Variants in MAPKBP1 observed in about 807,000 individuals in gnomAD.
MAPKBP1 encodes mitogen-activated protein kinase-binding protein 1.
MAPKBP1 carries 71 observed loss-of-function variants against 170.5 expected under a neutral mutation model. The observed-to-expected ratio is 0.42, with a 90% CI of 0.34 to 0.51. The LOEUF (loss-of-function observed/expected upper bound fraction) is 0.51, where lower values mean the gene tolerates loss of function less well. Among genes scored for constraint, MAPKBP1 ranks in the 20% least tolerant of loss-of-function variants. The pLI is 0.06. For synonymous variants in MAPKBP1, 719 were observed against 757.9 expected (o/e 0.95, Z 0.84); for missense variants, 1,598 against 1,933.0 (o/e 0.83, Z 3.25).
At chr15:41,824,658 C>T (rs1268307484) in intron 30 of MAPKBP1, 89 bp downstream of exon 30, 17 of 1,267,416 alleles carry the variant, frequency 1.3e-5, no homozygotes, top group East Asian at 2.6e-5. Context: ...GTATGCTAAG[C>T]CTCTTGTGCT....
Position 41,822,453 on chromosome 15 carries a change from G to T in MAPKBP1, c.3229+31G>T, listed in dbSNP as rs372085821. The T allele has an allele frequency of 3.7e-5, 60 of 1,609,146 alleles. No individual in the cohort carries two copies. In the African/African-American group the frequency reaches 6.3e-4, roughly 17 times the overall value. ...GTCAGAGGGCCAGCATTTAGTGCCTGCAATTTGCCCTTCTCCCCTCCTTGC... is the reference window on the plus strand; with the variant it reads ...GTCAGAGGGCCAGCATTTAGTGCCTTCAATTTGCCCTTCTCCCCTCCTTGC... On this transcript the variant is annotated intron_variant, in intron 26 of 30. Coordinates refer to ENST00000457542, the MANE Select transcript of MAPKBP1 (RefSeq NM_014994.3).
At chr15:41,810,225 C>T (rs983184269) in intron 3 of MAPKBP1, among the ~76,000 whole-genome samples, 3 of 152,216 alleles carry the variant, frequency 2.0e-5, no homozygotes, top group Non-Finnish European at 2.9e-5. Context: ...TTCCCTCCTA[C>T]ACCCCTTCCT....
At position 41,805,404 on chromosome 15, in the gene MAPKBP1, AGCCCCTGT is replaced by A. The variant is rs535520878; in HGVS notation, c.207-5458_207-5451del. ...GTTGATGGGCCTTCAAGCCCAGCAC[AGCCCCTGT>A]GCCCCTGTGCCCCTGTGCCCAGTCC... On this transcript the variant is annotated intron_variant, in intron 3 of 30. Coordinates refer to ENST00000457542, the MANE Select transcript of MAPKBP1 (RefSeq NM_014994.3). Among the ~76,000 whole-genome samples, 93 of 152,322 alleles carry A rather than the reference AGCCCCTGT, an allele frequency of 6.1e-4. No homozygotes were observed. The South Asian group carries it at 0.015, about 24-fold the overall frequency.
At position 41,774,567 on chromosome 15, in the gene MAPKBP1, C is replaced by T. The variant is rs1042991511; in HGVS notation, c.-153C>T. On this transcript the variant is annotated 5_prime_UTR_variant, in exon 1 of 31. Transcript: ENST00000457542. The stretch of plus-strand genomic sequence containing the variant: ...GGAGCTGAAATTGCCGAACGCGATG[C>T]CCGAGGGCGCTGTGAGCGGGGTGGC... 2 of 398,582 alleles carry T rather than the reference C, an allele frequency of 5.0e-6. No individual in the cohort carries two copies. The highest frequency in any genetic ancestry group is 2.1e-5 in the African/African-American group (1 of 48,644). The allele number at this position is 398,582 out of a possible 1,614,324, so 24.7% of individuals were successfully genotyped here.
chr15:41,795,961 T>A (rs2064481441), intron 2 of MAPKBP1, among the ~76,000 whole-genome samples: 1 of 152,136 alleles, frequency 6.6e-6, no homozygotes, highest in Admixed American at 6.6e-5. Flanking sequence ...GAGAAAAGAC[T>A]ATAGGGGGTA....
At chr15:41,822,526 A>C (rs1450230527) in intron 26 of MAPKBP1, 67 bp from the exon 27 acceptor site, 4 of 1,607,032 alleles carry the variant, frequency 2.5e-6, no homozygotes, top group African/African-American at 2.7e-5. Flanking sequence ...TGGGGGTCTC[A>C]AGGAGGCAAA....
At chr15:41,814,914 A>C (rs988157751) in intron 10 of MAPKBP1, among the ~76,000 whole-genome samples, 175 bp downstream of exon 10, 1 of 152,178 alleles carries the variant, frequency 6.6e-6, no homozygotes, top group Admixed American at 6.5e-5. Context: ...AGGCTTCCCC[A>C]GTGTGCCCCA....
intron 2 of MAPKBP1, among the ~76,000 whole-genome samples, chr15:41,794,699 A>T (rs916903378): frequency 2.6e-5 from 4 of 152,214 alleles, no homozygotes; most frequent in African/African-American, 9.7e-5. Context: ...TCAAGTGCCC[A>T]TTGTATGCCA....
At chr15:41,814,178 G>A (rs1431372899) in intron 9 of MAPKBP1, among the ~76,000 whole-genome samples, 2 of 152,226 alleles carry the variant, frequency 1.3e-5, no homozygotes, top group African/African-American at 2.4e-5. Flanking sequence ...TCAAGAAGCC[G>A]CCAGCAGTCA....
rs760216160 is a variant in MAPKBP1 at position 41,820,884 on chromosome 15, C to A, written c.2534C>A (p.Pro845His). The A allele has an allele frequency of 2.5e-6, 4 of 1,614,004 alleles. No individual in the cohort carries two copies. The highest frequency in any genetic ancestry group is 3.4e-6 in the Non-Finnish European group (4 of 1,180,004). ...LDPAPAANPG[P>H]RRRGRWVQPG... ...CCAGCTCCTGCAGCCAACCCAGGACCCAGAAGAAGAGGGCGCTGGGTTCAG... is the reference window on the plus strand; with the variant it reads ...CCAGCTCCTGCAGCCAACCCAGGACACAGAAGAAGAGGGCGCTGGGTTCAG... Residue 845 changes from proline (P) to histidine (H), a missense_variant, in exon 23 of 31, where the codon CCC (proline) becomes CAC (histidine). By Grantham distance (77) the Pro-to-His change is moderately conservative. Coordinates refer to ENST00000457542, the MANE Select transcript of MAPKBP1 (RefSeq NM_014994.3).
intron 3 of MAPKBP1, among the ~76,000 whole-genome samples, chr15:41,805,030 C>G (rs999325372): frequency 6.6e-6 from 1 of 152,202 alleles, no homozygotes; most frequent in Non-Finnish European, 1.5e-5. Flanking sequence ...GCTCTTGTTC[C>G]TCCTGTGCCT....
At chr15:41,777,353 A>G (rs901975908) in intron 2 of MAPKBP1, among the ~76,000 whole-genome samples, 1 of 151,906 alleles carries the variant, frequency 6.6e-6, no homozygotes, top group Admixed American at 6.6e-5. Context: ...AAAAAAAAAA[A>G]AAAGGAAAGG....
At chr15:41,824,185 C>T (rs1267079212) in intron 29 of MAPKBP1, 124 bp downstream of exon 29, 1 of 1,345,458 alleles carries the variant, frequency 7.4e-7, no homozygotes, top group Non-Finnish European at 1.0e-6. Flanking sequence ...CCTGTCTGCT[C>T]CTGTCGCAGG....
At chr15:41,793,998 G>A (rs2064440593) in intron 2 of MAPKBP1, among the ~76,000 whole-genome samples, 1 of 152,212 alleles carries the variant, frequency 6.6e-6, no homozygotes, top group African/African-American at 2.4e-5. Flanking sequence ...GGGAGGCCAA[G>A]GTGGGTGGAT....
chr15:41,786,937 C>T (rs978616318), intron 2 of MAPKBP1, among the ~76,000 whole-genome samples: 46 of 150,970 alleles, frequency 3.0e-4, no homozygotes, highest in African/African-American at 1.0e-3. Context: ...CTTGCTCTGT[C>T]GCCCAGGCTG....
chr15:41,815,871 G>A, intron 12 of MAPKBP1, 72 bp downstream of exon 12: 1 of 1,493,068 alleles, frequency 6.7e-7, no homozygotes, highest in Non-Finnish European at 9.1e-7. Flanking sequence ...ACTTTAGGGA[G>A]GGTTTGGCTC....
chr15:41,813,044 A>T lies in MAPKBP1; in HGVS notation c.762A>T (p.Ser254=), dbSNP rs756172885. The part of the protein sequence containing the change: ...KADSTFCITS[S]GLLCEFSDRR... The stretch of plus-strand genomic sequence containing the variant: ...ACAGTACCTTCTGCATCACGTCCTC[A>T]GGGCTGCTGTGCGAGTTCAGTGATC... Residue 254 remains serine, a synonymous_variant, in exon 8 of 31, where the codon TCA becomes TCT. Coordinates refer to ENST00000457542, the MANE Select transcript of MAPKBP1 (RefSeq NM_014994.3). The T allele has an allele frequency of 1.2e-6, 2 of 1,613,572 alleles. No homozygotes were observed. Among genetic ancestry groups the T allele is most frequent in the South Asian group, 1.1e-5 (1 of 91,026 alleles).
chr15:41,777,256 G>A (rs953615228), intron 2 of MAPKBP1, among the ~76,000 whole-genome samples: 6 of 151,518 alleles, frequency 4.0e-5, no homozygotes, highest in African/African-American at 1.2e-4. Flanking sequence ...CAGGAGACTC[G>A]CCTGAACCCG....
Position 41,826,528 on chromosome 15 carries a change from C to G in MAPKBP1, c.*1092C>G, listed in dbSNP as rs1292841877. Reference sequence around the variant, plus strand: ...ACCCTGGCTTATGTGGAACACCTATCAGGGAGCAGAAAAGGGGTGCAGTAC... The same window carrying G: ...ACCCTGGCTTATGTGGAACACCTATGAGGGAGCAGAAAAGGGGTGCAGTAC... On this transcript the variant is annotated 3_prime_UTR_variant, in exon 31 of 31. Coordinates refer to ENST00000457542, the MANE Select transcript of MAPKBP1 (RefSeq NM_014994.3). 1 of 152,078 alleles carries G rather than the reference C, an allele frequency of 6.6e-6. No individual in the cohort carries two copies. Among genetic ancestry groups the G allele is most frequent in the Admixed American group, 6.6e-5 (1 of 15,254 alleles). 9.4% of individuals were successfully genotyped at this position (152,078 alleles called of 1,614,324 possible).
Sources: gnomAD v4.1 joint callset for allele counts (sites outside exome capture counted in the v4.1 genomes callset) on GRCh38, gnomAD v4.1.1 for gene constraint, MANE v1.5 for transcripts, NCBI Gene and HGNC (gene_info 2026-07-23, HGNC 2026-07-21) for gene names.